The following TTC7B variants were observed in gnomAD, a reference collection of about 807,000 sequenced individuals.
TTC7B encodes the protein tetratricopeptide repeat domain 7B, also known as tetratricopeptide repeat protein 7B.
Under a neutral mutation model 106.8 loss-of-function variants are expected in TTC7B, and 28 were observed. The ratio of observed to expected loss-of-function variants is 0.26; its 90% CI spans 0.19 to 0.36. The LOEUF (loss-of-function observed/expected upper bound fraction) is 0.36, where lower values mean the gene tolerates loss of function less well. TTC7B is among the 10% of genes least tolerant of loss of function. The pLI is 1.00. For synonymous variants in TTC7B, 405 were observed against 430.6 expected (o/e 0.94, Z 0.74); for missense variants, 862 against 1,076.4 (o/e 0.80, Z 2.79).
At position 90,578,548 on chromosome 14, in the gene TTC7B, G is replaced by A. The variant is rs1424289607; in HGVS notation, c.2108-240C>T. 1.3e-5 allele frequency among the ~76,000 whole-genome samples: 2 copies of A among 152,072 alleles called. No individual in the cohort carries two copies. Among genetic ancestry groups the A allele is most frequent in the East Asian group, 1.9e-4 (1 of 5,164 alleles). ...CAGGCATAGGTCACCACCAGGCAGG[G>A]AGCAGTGAGGCCTGCCTGGTCCCTG... On this transcript the variant is annotated intron_variant, in intron 18 of 19. Coordinates refer to ENST00000328459, the MANE Select transcript of TTC7B (RefSeq NM_001010854.2). This position sits in a 1 kb window ranked among gnomAD's most constrained non-coding sequence, Gnocchi z 4.7.
chr14:90,624,546 A>C lies in TTC7B; in HGVS notation c.1752-6501T>G, dbSNP rs571050647. Among the ~76,000 whole-genome samples, 86 of 152,318 alleles carry C rather than the reference A, an allele frequency of 5.6e-4. 1 individual carries two copies. Among genetic ancestry groups the C allele is most frequent in the African/African-American group, 2.0e-3 (84 of 41,574 alleles). Reference sequence around the variant, plus strand: ...TTAGTTTTAGCCTTGGCCCCACCCCAGTGAGTCCCAGACTTGGGCAGGGGC... The same window carrying C: ...TTAGTTTTAGCCTTGGCCCCACCCCCGTGAGTCCCAGACTTGGGCAGGGGC... On this transcript the variant is annotated intron_variant, in intron 15 of 19. Transcript: ENST00000328459. The surrounding 1 kb of genome is among the most constrained non-coding windows in gnomAD (Gnocchi z 4.0).
At chr14:90,781,902 G>A (rs1385982025) in intron 2 of TTC7B, among the ~76,000 whole-genome samples, 1 of 152,132 alleles carries the variant, frequency 6.6e-6, no homozygotes, top group Non-Finnish European at 1.5e-5. Context: ...CGGCACCTAG[G>A]GAAAGAACAG....
chr14:90,608,631 C>T lies in TTC7B; in HGVS notation c.1966+2111G>A, dbSNP rs116606354. Among the ~76,000 whole-genome samples, 258 of 152,174 alleles carry T rather than the reference C, an allele frequency of 1.7e-3. 2 individuals carry two copies. Among genetic ancestry groups the T allele is most frequent in the African/African-American group, 5.8e-3 (241 of 41,504 alleles). The stretch of plus-strand genomic sequence containing the variant: ...GAGGAGGAAGACCCGGGGGCCAGGC[C>T]CAACCCAGGGCAGTGACACCGCAGA... On this transcript the variant is annotated intron_variant, in intron 17 of 19. Coordinates refer to ENST00000328459, the MANE Select transcript of TTC7B (RefSeq NM_001010854.2). The surrounding 1 kb of genome is among the most constrained non-coding windows in gnomAD (Gnocchi z 5.1).
chr14:90,737,099 C>T (rs1029962125), intron 4 of TTC7B, among the ~76,000 whole-genome samples: 4 of 151,934 alleles, frequency 2.6e-5, no homozygotes, highest in African/African-American at 2.4e-5. Flanking sequence ...TGGAAAATTA[C>T]TGGTTAGGAA....
At chr14:90,652,685 G>GA (rs879395422) in intron 13 of TTC7B, among the ~76,000 whole-genome samples, 156 bp downstream of exon 13, 14 of 152,170 alleles carry the variant, frequency 9.2e-5, no homozygotes, top group Admixed American at 9.2e-4. Flanking sequence ...AAGTGATACA[G>GA]CAGGGTTTGT....
At chr14:90,568,002 G>A (rs1042383712) in intron 19 of TTC7B, among the ~76,000 whole-genome samples, 5 of 152,184 alleles carry the variant, frequency 3.3e-5, no homozygotes, top group Admixed American at 6.5e-5. Context: ...GAGAGCCCCC[G>A]AGCCCTCAAT....
intron 19 of TTC7B, among the ~76,000 whole-genome samples, chr14:90,572,532 G>A (rs1566776602): frequency 6.6e-6 from 1 of 152,198 alleles, no homozygotes; most frequent in Non-Finnish European, 1.5e-5. Context: ...CCTTGAAATA[G>A]AACGGCAGAG....
Position 90,543,718 on chromosome 14 carries a change from T to C in TTC7B, c.2311-2129A>G, listed in dbSNP as rs1595143556. Among the ~76,000 whole-genome samples, 3 of 152,272 alleles carry C rather than the reference T, an allele frequency of 2.0e-5. No homozygotes were observed. In the East Asian group the frequency reaches 5.8e-4, roughly 29 times the overall value. ...AGCCTGACATCTTTACAATGTCTAG[T>C]CTTCCCACTGAGGAATGAGTTATGG... On this transcript the variant is annotated intron_variant, in intron 19 of 19. Transcript: ENST00000328459.
chr14:90,798,536 C>T (rs2030021609), intron 1 of TTC7B, among the ~76,000 whole-genome samples: 2 of 152,022 alleles, frequency 1.3e-5, no homozygotes. Flanking sequence ...CATGGCAAAA[C>T]CCCGTTTCTA....
At chr14:90,798,575 T>G (rs1289460848) in intron 1 of TTC7B, among the ~76,000 whole-genome samples, 8 of 151,962 alleles carry the variant, frequency 5.3e-5, no homozygotes, top group Admixed American at 5.2e-4. Flanking sequence ...GCTGGTATGG[T>G]GGCAGGTGCC....
In TTC7B at chr14:90,689,567, C is replaced by T. The variant is rs747740286; in HGVS notation, c.923G>A (p.Arg308Gln). Residue 308 changes from arginine to glutamine, a missense_variant, in exon 7 of 20, where the codon CGG (arginine) becomes CAG (glutamine). Coordinates refer to ENST00000328459, the MANE Select transcript of TTC7B (RefSeq NM_001010854.2). ...CTCTCCTGAGTAGACACGGGCTCTCCGAGTGAGAGTGTAGGTTTTTGTGTT... is the reference window on the plus strand; with the variant it reads ...CTCTCCTGAGTAGACACGGGCTCTCTGAGTGAGAGTGTAGGTTTTTGTGTT... ...GANTKTYTLT[R>Q]RARVYSGENI... 11 of 1,613,928 alleles carry T rather than the reference C, an allele frequency of 6.8e-6. No individual in the cohort carries two copies. The highest frequency in any genetic ancestry group is 1.3e-5 in the African/African-American group (1 of 74,916).
chr14:90,708,347 G>A (rs760536142), intron 5 of TTC7B, among the ~76,000 whole-genome samples: 4 of 152,134 alleles, frequency 2.6e-5, no homozygotes, highest in East Asian at 3.9e-4. Context: ...AGAAGTCAAC[G>A]CCTGGCTACA....
At chr14:90,766,693 A>AG in intron 3 of TTC7B, 2 of 1,415,846 alleles carry the variant, frequency 1.4e-6, no homozygotes, top group Non-Finnish European at 2.0e-6. Flanking sequence ...CTGCACCAAG[A>AG]GGGCGGGAGA....
chr14:90,706,862 C>A (rs188810574), intron 5 of TTC7B, among the ~76,000 whole-genome samples: 2 of 152,242 alleles, frequency 1.3e-5, no homozygotes, highest in East Asian at 3.9e-4. Flanking sequence ...AGCGAGAACT[C>A]TCTCTCTCAC....
At chr14:90,622,575 T>C (rs1884255071) in intron 15 of TTC7B, among the ~76,000 whole-genome samples, 1 of 151,818 alleles carries the variant, frequency 6.6e-6, no homozygotes, top group African/African-American at 2.4e-5. Flanking sequence ...CAAAAAAATA[T>C]AAAAATTAAC....
chr14:90,753,504 G>A (rs911600019), intron 3 of TTC7B, among the ~76,000 whole-genome samples: 1 of 152,206 alleles, frequency 6.6e-6, no homozygotes, highest in Non-Finnish European at 1.5e-5. Context: ...CTCTATAAAG[G>A]CTGGGCTCCC....
Position 90,786,108 on chromosome 14 carries a change from T to C in TTC7B, c.276+66A>G, listed in dbSNP as rs918376874. 6.8e-6 allele frequency: 10 copies of C among 1,462,048 alleles called. No individual in the cohort carries two copies. In the African/African-American group the frequency reaches 1.0e-4, roughly 15 times the overall value. The allele number at this position is 1,462,048 out of a possible 1,614,324, so 90.6% of individuals were successfully genotyped here. ...CTCCAAACGTCACCCGGCTCAACCC[T>C]GGGCACCCTTCTCAACCCCACACTG... On this transcript the variant is annotated intron_variant, in intron 2 of 19. Transcript: ENST00000328459.
chr14:90,589,292 G>A (rs1446250254), intron 18 of TTC7B, among the ~76,000 whole-genome samples: 1 of 152,160 alleles, frequency 6.6e-6, no homozygotes, highest in East Asian at 1.9e-4. Flanking sequence ...TATCCATGGG[G>A]AATTGGTTCT....
chr14:90,541,386 G>A lies in TTC7B; in HGVS notation c.2514C>T (p.Ile838=), dbSNP rs752081718. The A allele has an allele frequency of 2.5e-6, 4 of 1,610,384 alleles. No homozygotes were observed. The South Asian group carries it at 4.4e-5, about 18-fold the overall frequency. ...EASSPAVPFT[I]IPRVL ...CGCCTGCTCAGAGCACGCGGGGGAT[G>A]ATGGTGAAGGGCACGGCGGGGCTGC... The change falls in exon 20 of 20, where the codon ATC becomes ATT. Residue 838 remains isoleucine (I), a synonymous_variant. Transcript: ENST00000328459.
Sources: allele counts gnomAD v4.1 joint callset (sites outside exome capture counted in the v4.1 genomes callset), GRCh38; gene constraint gnomAD v4.1.1; non-coding constraint Gnocchi (gnomAD v3.1); transcripts MANE v1.5; gene names NCBI Gene and HGNC (gene_info 2026-07-23, HGNC 2026-07-21).